Variants in FRMPD1 observed in about 807,000 individuals in gnomAD.
The protein encoded by FRMPD1 is FERM and PDZ domain containing 1, also known as FERM and PDZ domain-containing protein 1.
A neutral mutation model predicts 117.8 loss-of-function variants in FRMPD1; 76 were observed. That is an observed-to-expected ratio of 0.65 (90% CI 0.54 to 0.78). The LOEUF (loss-of-function observed/expected upper bound fraction) is 0.78. Ranked by LOEUF, FRMPD1 falls within the 30% of genes least tolerant of loss-of-function variation. The probability of loss-of-function intolerance (pLI) is 0.00; values close to 1 mark genes in which losing one functional copy is unlikely to be tolerated. For missense variants in FRMPD1, 1,786 were observed against 1,964.5 expected, an observed-to-expected ratio of 0.91 and a Z score of 1.72; for synonymous variants, 783 against 770.4, an observed-to-expected ratio of 1.02 and a Z score of -0.27.
At chr9:37,654,783 T>C (rs1463611483) in intron 1 of FRMPD1, among the ~76,000 whole-genome samples, 1 of 152,228 alleles carries the variant, frequency 6.6e-6, no homozygotes, top group Non-Finnish European at 1.5e-5. Flanking sequence ...CTCACAGTTA[T>C]CGGGGAGACT....
At chr9:37,706,444 C>T (rs1822708674) in intron 2 of FRMPD1, among the ~76,000 whole-genome samples, 1 of 152,106 alleles carries the variant, frequency 6.6e-6, no homozygotes, top group South Asian at 2.1e-4. Flanking sequence ...CCGCAGAGTC[C>T]CAAGACAGCT....
intron 8 of FRMPD1, among the ~76,000 whole-genome samples, chr9:37,730,070 G>A (rs1402494824): frequency 6.6e-6 from 1 of 152,180 alleles, no homozygotes; most frequent in African/African-American, 2.4e-5. Flanking sequence ...CAGATTTAAG[G>A]TCCCCATTTT....
At chr9:37,607,485 G>T in the FRMPD1 span, among the ~76,000 whole-genome samples, 2 of 152,176 alleles carry the variant, frequency 1.3e-5, no homozygotes, top group Non-Finnish European at 1.5e-5. Flanking sequence ...TTGTGTTACT[G>T]TTCCTTCTCT....
At chr9:37,714,701 C>T (rs1399188293) in intron 5 of FRMPD1, among the ~76,000 whole-genome samples, 1 of 151,462 alleles carries the variant, frequency 6.6e-6, no homozygotes, top group East Asian at 1.9e-4. Flanking sequence ...GGCTGGAGTG[C>T]AGTGGCGTGA....
At chr9:37,636,955 G>A in the FRMPD1 span, 52 of 1,598,686 alleles carry the variant, frequency 3.3e-5, no homozygotes, top group South Asian at 4.6e-4. Context: ...GCTTATTGAC[G>A]TTCTCGCTGG....
intron 5 of FRMPD1, among the ~76,000 whole-genome samples, chr9:37,713,061 GTTA>G (rs1822970397): frequency 6.6e-6 from 1 of 151,822 alleles, no homozygotes; most frequent in African/African-American, 2.4e-5. Flanking sequence ...TAATATATCA[GTTA>G]TTATATTAAT....
chr9:37,633,616 G>A, the FRMPD1 span, among the ~76,000 whole-genome samples: 19 of 152,292 alleles, frequency 1.2e-4, no homozygotes, highest in Non-Finnish European at 1.5e-5. Flanking sequence ...TCCCAGCAGT[G>A]TGGGAGGCCA....
chr9:37,642,340 T>TC, the FRMPD1 span, among the ~76,000 whole-genome samples: 5 of 152,168 alleles, frequency 3.3e-5, no homozygotes, highest in African/African-American at 1.2e-4. Flanking sequence ...CTTAGAGCCT[T>TC]CCCATAGGCT....
In FRMPD1 at chr9:37,678,039, C is replaced by T. The variant is rs116449141; in HGVS notation, c.-4-14599C>T. Reference sequence around the variant, plus strand: ...TGATTCAGAGAGGAAGAAATGGAAACAGGACCCATGGTGACATTTGTCCAG... The same window carrying T: ...TGATTCAGAGAGGAAGAAATGGAAATAGGACCCATGGTGACATTTGTCCAG... On this transcript the variant is annotated intron_variant, in intron 1 of 15. Coordinates refer to ENST00000377765, the MANE Select transcript of FRMPD1 (RefSeq NM_014907.3). Among the ~76,000 whole-genome samples, 904 of 152,234 alleles carry T rather than the reference C, an allele frequency of 5.9e-3. 9 individuals carry two copies. Among genetic ancestry groups the T allele is most frequent in the African/African-American group, 0.021 (856 of 41,526 alleles).
the FRMPD1 span, among the ~76,000 whole-genome samples, chr9:37,622,452 C>T: frequency 6.6e-6 from 1 of 152,220 alleles, no homozygotes; most frequent in Non-Finnish European, 1.5e-5. Flanking sequence ...AAGCAACCCT[C>T]ACACATCAGA....
At chr9:37,664,925 T>C (rs1821117239) in intron 1 of FRMPD1, among the ~76,000 whole-genome samples, 1 of 152,212 alleles carries the variant, frequency 6.6e-6, no homozygotes, top group Non-Finnish European at 1.5e-5. Context: ...ACTTGTATAG[T>C]CTTTCACCCA....
the FRMPD1 span, among the ~76,000 whole-genome samples, chr9:37,629,217 T>A: frequency 1.3e-5 from 2 of 152,070 alleles, no homozygotes; most frequent in Non-Finnish European, 2.9e-5. Flanking sequence ...AAAGAAATTC[T>A]ACTACATCAG....
the FRMPD1 span, chr9:37,637,340 G>A: frequency 4.4e-6 from 4 of 905,944 alleles, no homozygotes; most frequent in African/African-American, 3.3e-5. Context: ...GCTCTGCTCC[G>A]CCTCCCGTTC....
intron 1 of FRMPD1, among the ~76,000 whole-genome samples, chr9:37,656,239 G>C (rs1285748052): frequency 6.6e-6 from 1 of 152,202 alleles, no homozygotes; most frequent in East Asian, 1.9e-4. Context: ...AGAAACATGA[G>C]GCTGATGCTT....
chr9:37,706,096 T>C (rs1421815067), intron 2 of FRMPD1, among the ~76,000 whole-genome samples: 2 of 152,210 alleles, frequency 1.3e-5, no homozygotes, highest in African/African-American at 4.8e-5. Context: ...TCTCTGCTGC[T>C]CCAGCTCAGT....
intron 1 of FRMPD1, among the ~76,000 whole-genome samples, chr9:37,658,168 G>A (rs1363473235): frequency 6.6e-6 from 1 of 152,064 alleles, no homozygotes; most frequent in Non-Finnish European, 1.5e-5. Flanking sequence ...ATGGGACACC[G>A]CTGTGCAGGT....
At position 37,746,045 on chromosome 9, in the gene FRMPD1, T is replaced by C. The variant is rs1341563034; in HGVS notation, c.4013T>C (p.Phe1338Ser). 3 of 1,614,044 alleles carry C rather than the reference T, an allele frequency of 1.9e-6. No homozygotes were observed. Among genetic ancestry groups the C allele is most frequent in the Non-Finnish European group, 1.7e-6 (2 of 1,180,012 alleles). The change falls in exon 16 of 16, where the codon TTC (phenylalanine) becomes TCC (serine). Residue 1338 changes from phenylalanine (F) to serine (S), a missense_variant. By Grantham distance (155) the Phe-to-Ser change is radical. Coordinates refer to ENST00000377765, the MANE Select transcript of FRMPD1 (RefSeq NM_014907.3). The part of the protein sequence containing the change: ...RIGMDQCSCQ[F>S]SYATCFRGPQ... ...GGGATGGACCAGTGCAGCTGTCAGT[T>C]CTCCTATGCCACATGCTTCCGTGGC...
intron 1 of FRMPD1, among the ~76,000 whole-genome samples, chr9:37,664,567 G>T (rs932034568): frequency 1.3e-5 from 2 of 151,890 alleles, no homozygotes; most frequent in Admixed American, 1.3e-4. Flanking sequence ...GAGAACATGC[G>T]GTGTTTGGTT....
the FRMPD1 span, among the ~76,000 whole-genome samples, chr9:37,638,206 T>C: frequency 6.6e-6 from 1 of 151,980 alleles, no homozygotes; most frequent in African/African-American, 2.4e-5. Context: ...CCCGAGTAGC[T>C]GGGATTACAG....
Sources: allele counts gnomAD v4.1 joint callset (sites outside exome capture counted in the v4.1 genomes callset), GRCh38; gene constraint gnomAD v4.1.1; transcripts MANE v1.5; gene names NCBI Gene and HGNC (gene_info 2026-07-23, HGNC 2026-07-21).